Variants in KLF7 observed in about 807,000 individuals in gnomAD.
KLF7 encodes the protein Krueppel-like factor 7.
In KLF7, 2 loss-of-function variants were observed where a neutral mutation model predicts 27.3. The observed-to-expected ratio is 0.07, with a 90% CI of 0.03 to 0.23. KLF7 has a LOEUF of 0.23. Ranked by LOEUF, KLF7 falls within the 10% of genes least tolerant of loss-of-function variation. The probability of loss-of-function intolerance (pLI) is 1.00; values close to 1 mark genes in which losing one functional copy is unlikely to be tolerated. For missense variants in KLF7, 221 were observed against 394.1 expected (o/e 0.56, Z 3.72); for synonymous variants, 165 against 162.4 (o/e 1.02, Z -0.12).
intron 1 of KLF7, among the ~76,000 whole-genome samples, chr2:207,151,213 T>A (rs1209696023): frequency 6.6e-6 from 1 of 152,172 alleles, no homozygotes; most frequent in Non-Finnish European, 1.5e-5. Context: ...TATGAAGCCC[T>A]GTGGAACTCA....
intron 3 of KLF7, among the ~76,000 whole-genome samples, chr2:207,084,181 C>T (rs1029189450): frequency 6.6e-6 from 1 of 151,964 alleles, no homozygotes; most frequent in African/African-American, 2.4e-5. Context: ...ACGCAGACAC[C>T]CAGAAGCCTG....
chr2:207,146,356 T>TC (rs2078095773), intron 1 of KLF7, among the ~76,000 whole-genome samples: 1 of 152,182 alleles, frequency 6.6e-6, no homozygotes, highest in African/African-American at 2.4e-5. Context: ...CCCTGAGGAC[T>TC]CCCAGTCACT....
chr2:207,143,094 C>T (rs141957384), intron 1 of KLF7, among the ~76,000 whole-genome samples: 60 of 152,132 alleles, frequency 3.9e-4, no homozygotes, highest in Admixed American at 3.0e-3. Flanking sequence ...ATTTAGAAAA[C>T]AACACAACAA....
rs73985504 is a variant in KLF7, at chr2:207,153,257, A to G, written c.102+12210T>C. 9.4e-3 allele frequency among the ~76,000 whole-genome samples: 1,429 copies of G among 152,308 alleles called. 25 individuals carry two copies. The highest frequency in any genetic ancestry group is 0.033 in the African/African-American group (1,355 of 41,566). ...TTTGGTTCAGGTATACTCAGTTCAC[A>G]TGGTTTATTCTTTTAAGAACAAATT... On this transcript the variant is annotated intron_variant, in intron 1 of 3. Transcript: ENST00000309446.
intron 1 of KLF7, chr2:207,149,071 T>C: frequency 8.2e-7 from 1 of 1,216,124 alleles, no homozygotes; most frequent in South Asian, 1.4e-5. Context: ...ACCTAAAGGA[T>C]GCAGTTTCCA....
chr2:207,147,349 T>C (rs1376852956), intron 1 of KLF7, among the ~76,000 whole-genome samples: 2 of 152,142 alleles, frequency 1.3e-5, no homozygotes, highest in African/African-American at 2.4e-5. Flanking sequence ...GTCAAAAACA[T>C]TGAAACAGAA....
chr2:207,133,642 A>C (rs1488652310), intron 1 of KLF7, among the ~76,000 whole-genome samples: 1 of 151,946 alleles, frequency 6.6e-6, no homozygotes, highest in Non-Finnish European at 1.5e-5. Context: ...TGCTTCAGAA[A>C]CCTGTAATTA....
intron 1 of KLF7, among the ~76,000 whole-genome samples, chr2:207,147,815 C>A (rs1014370389): frequency 1.3e-5 from 2 of 152,196 alleles, no homozygotes; most frequent in African/African-American, 4.8e-5. Context: ...CTAACACCAG[C>A]CCCTCGCCTC....
chr2:207,098,448 T>C (rs2076681384), intron 2 of KLF7, among the ~76,000 whole-genome samples: 1 of 152,202 alleles, frequency 6.6e-6, no homozygotes, highest in Non-Finnish European at 1.5e-5. Context: ...TATCACTCTG[T>C]AAGTCAAGTT....
rs1373714407 is a variant in KLF7, at chr2:207,079,164, T to C, written c.*2049A>G. 3.9e-5 allele frequency: 6 copies of C among 151,996 alleles called. No homozygotes were observed. The highest frequency in any genetic ancestry group is 7.4e-5 in the Non-Finnish European group (5 of 68,004). The allele number at this position is 151,996 out of a possible 1,614,324, so 9.4% of individuals were successfully genotyped here. On this transcript the variant is annotated 3_prime_UTR_variant, in exon 4 of 4. Coordinates refer to ENST00000309446, the MANE Select transcript of KLF7 (RefSeq NM_003709.4). ...GGGCCAGACCTCGAAATGCCCCAAG[T>C]GTCCAATTGGCAGCTATAGCATTTG...
intron 2 of KLF7, among the ~76,000 whole-genome samples, chr2:207,115,856 C>T (rs1367012908): frequency 4.6e-5 from 7 of 152,168 alleles, no homozygotes; most frequent in African/African-American, 1.7e-4. Context: ...GACGTATAAT[C>T]CACTGACCAC....
chr2:207,168,740 T>A (rs1012150549), upstream of KLF7, among the ~76,000 whole-genome samples: 1 of 152,238 alleles, frequency 6.6e-6, no homozygotes, highest in African/African-American at 2.4e-5. Flanking sequence ...AGATTCATTT[T>A]AAGAGATTTA....
Position 207,165,698 on chromosome 2 carries a change from T to C in KLF7, c.-130A>G. On this transcript the variant is annotated 5_prime_UTR_variant, in exon 1 of 4. Transcript: ENST00000309446. ...CAGTGGCCCTTTTGTTTTGTTTTGTTTCAGTCAACTAAAAAGGAAAAAAAA... is the reference window on the plus strand; with the variant it reads ...CAGTGGCCCTTTTGTTTTGTTTTGTCTCAGTCAACTAAAAAGGAAAAAAAA... The C allele has an allele frequency of 1.3e-6, 2 of 1,496,024 alleles. No homozygotes were observed. The highest frequency in any genetic ancestry group is 1.8e-6 in the Non-Finnish European group (2 of 1,127,128). The allele number at this position is 1,496,024 out of a possible 1,614,324, so 92.7% of individuals were successfully genotyped here.
the KLF7 span, among the ~76,000 whole-genome samples, chr2:207,173,280 C>T: frequency 6.6e-6 from 1 of 152,088 alleles, no homozygotes; most frequent in Non-Finnish European, 1.5e-5. Context: ...ACTTTCTGCC[C>T]ATAATTTGAC....
At chr2:207,154,963 A>G (rs371196732) in intron 1 of KLF7, among the ~76,000 whole-genome samples, 37 of 152,320 alleles carry the variant, frequency 2.4e-4, no homozygotes, top group African/African-American at 8.2e-4. Context: ...TGGAATCCAT[A>G]CTGGGCCACT....
chr2:207,120,356 A>G (rs570778657), intron 2 of KLF7, among the ~76,000 whole-genome samples: 2 of 152,304 alleles, frequency 1.3e-5, no homozygotes, highest in South Asian at 4.1e-4. Flanking sequence ...ATGCAAGCAA[A>G]TCCATGTTAC....
intron 1 of KLF7, chr2:207,134,154 A>ATTTTTTTTTTT (rs35538720): frequency 3.5e-5 from 40 of 1,142,508 alleles, no homozygotes; most frequent in Middle Eastern, 2.6e-4. Flanking sequence ...GGCTACTGGG[A>ATTTTTTTTTTT]TTTTTTTTTT....
chr2:207,124,348 G>T lies in KLF7; in HGVS notation c.159C>A (p.Thr53=). The change falls in exon 2 of 4, where the codon ACC becomes ACA. Residue 53 remains threonine, a synonymous_variant. Coordinates refer to ENST00000309446, the MANE Select transcript of KLF7 (RefSeq NM_003709.4). The stretch of plus-strand genomic sequence containing the variant: ...GGAAACAGTCCAAGTCCTCACCAAA[G>T]GTCTCTGAGATCCTCCGGGGCTCCG... ...LQTEPRRISE[T]FGEDLDCFLH... is the part of the protein sequence containing the mutation. 5 of 1,600,158 alleles carry T rather than the reference G, an allele frequency of 3.1e-6. No homozygotes were observed. Among genetic ancestry groups the T allele is most frequent in the Non-Finnish European group, 4.3e-6 (5 of 1,169,340 alleles).
intron 2 of KLF7, chr2:207,120,902 T>C (rs2105975488): frequency 6.6e-6 from 1 of 152,342 alleles, no homozygotes; most frequent in Non-Finnish European, 1.5e-5. Context: ...CCCCATGTGC[T>C]CCAATTCACA....
Sources: allele counts gnomAD v4.1 joint callset (sites outside exome capture counted in the v4.1 genomes callset), GRCh38; gene constraint gnomAD v4.1.1; transcripts MANE v1.5; gene names NCBI Gene and HGNC (gene_info 2026-07-23, HGNC 2026-07-21).